Variants in SETBP1 observed in about 807,000 individuals in gnomAD.
SETBP1 encodes SET binding protein 1.
In SETBP1, 9 loss-of-function variants were observed where a neutral mutation model predicts 101.0. The observed-to-expected ratio is 0.09, with a 90% confidence interval of 0.05 to 0.16. SETBP1 has a LOEUF of 0.16. SETBP1 is among the 10% of genes least tolerant of loss of function. SETBP1 has a pLI of 1.00. For missense variants in SETBP1, 1,858 were observed against 2,033.8 expected (o/e 0.91, Z 1.66); for synonymous variants, 818 against 788.5 (o/e 1.04, Z -0.63).
intron 4 of SETBP1, among the ~76,000 whole-genome samples, chr18:45,005,701 C>G (rs549679571): frequency 1.4e-3 from 198 of 139,422 alleles, no homozygotes; most frequent in African/African-American, 5.2e-3. Flanking sequence ...GGCTGGAGTA[C>G]AGTGGCATGA....
chr18:44,988,312 CTAAG>C (rs2072284476), intron 4 of SETBP1: 1 of 152,018 alleles, frequency 6.6e-6, no homozygotes, highest in Non-Finnish European at 1.5e-5. Flanking sequence ...CTGAATAAGG[CTAAG>C]AACAAATAAG....
chr18:44,997,199 C>T (rs2145315522), intron 4 of SETBP1, among the ~76,000 whole-genome samples: 1 of 152,230 alleles, frequency 6.6e-6, no homozygotes, highest in South Asian at 2.1e-4. Flanking sequence ...GCTGAGCCAC[C>T]AGCCCTTCAA....
intron 3 of SETBP1, among the ~76,000 whole-genome samples, chr18:44,889,386 C>T (rs1309000551): frequency 6.6e-6 from 1 of 152,124 alleles, no homozygotes; most frequent in Non-Finnish European, 1.5e-5. Flanking sequence ...TTCTTTGAAC[C>T]AAAAACAACT....
intron 2 of SETBP1, among the ~76,000 whole-genome samples, chr18:44,821,623 CTT>C (rs1177072647): frequency 1.3e-5 from 2 of 152,174 alleles, no homozygotes; most frequent in African/African-American, 4.8e-5. Flanking sequence ...TTCTCAAAGA[CTT>C]TATATACCCC....
intron 4 of SETBP1, among the ~76,000 whole-genome samples, chr18:45,004,871 A>G (rs1007452650): frequency 1.3e-5 from 2 of 152,204 alleles, no homozygotes; most frequent in African/African-American, 4.8e-5. Flanking sequence ...TCCCAATGTC[A>G]TTTTTTAAAA....
rs1446363476 is a variant in SETBP1 at position 45,067,109 on chromosome 18, G to A, written c.*3411G>A. On this transcript the variant is annotated 3_prime_UTR_variant, in exon 6 of 6. Transcript: ENST00000649279. ...AGCAGCCACTGACAGCCCAGAGAAG[G>A]TGACTAAGGGCTGGCAGAAGATTAG... 6.6e-6 allele frequency: 1 copy of A among 152,220 alleles called. No individual in the cohort carries two copies. Among genetic ancestry groups the A allele is most frequent in the Non-Finnish European group, 1.5e-5 (1 of 68,044 alleles). The allele number at this position is 152,220 out of a possible 1,614,324, so 9.4% of individuals were successfully genotyped here.
chr18:44,683,171 A>G (rs1227062617), intron 1 of SETBP1, among the ~76,000 whole-genome samples: 3 of 152,138 alleles, frequency 2.0e-5, no homozygotes, highest in Non-Finnish European at 2.9e-5. Context: ...GATCTTTTGT[A>G]TGTTAGCATC....
At chr18:44,941,705 A>G (rs1222559396) in intron 3 of SETBP1, among the ~76,000 whole-genome samples, 1 of 148,368 alleles carries the variant, frequency 6.7e-6, no homozygotes, top group African/African-American at 2.5e-5. Flanking sequence ...CTTTCTCTTC[A>G]TGTTTACTCA....
At chr18:45,032,036 T>C (rs955824583) in intron 4 of SETBP1, among the ~76,000 whole-genome samples, 3 of 152,174 alleles carry the variant, frequency 2.0e-5, no homozygotes, top group Non-Finnish European at 4.4e-5. Flanking sequence ...AGGCCCTCCT[T>C]CTGCTTCTAG....
At chr18:44,959,586 G>A (rs1277005659) in intron 4 of SETBP1, among the ~76,000 whole-genome samples, 1 of 152,190 alleles carries the variant, frequency 6.6e-6, no homozygotes, top group Non-Finnish European at 1.5e-5. Context: ...TTTAGGGGAA[G>A]AAACCAGCAA....
intron 3 of SETBP1, among the ~76,000 whole-genome samples, chr18:44,873,850 C>T (rs1164837278): frequency 9.2e-5 from 14 of 152,090 alleles, no homozygotes; most frequent in Non-Finnish European, 1.6e-4. Context: ...ATATAATAAA[C>T]CCATGTACCT....
chr18:44,950,065 G>A lies in SETBP1; in HGVS notation c.725G>A (p.Gly242Asp). The change falls in exon 4 of 6, where the codon GGC (glycine) becomes GAC (aspartate). Residue 242 changes from glycine to aspartate, a missense_variant. By Grantham distance (94) the Gly-to-Asp change is moderately conservative. This residue lies in a region of SETBP1 where 581 missense variants were observed against 535.1 expected (regional missense o/e 1.09). Coordinates refer to ENST00000649279, the MANE Select transcript of SETBP1 (RefSeq NM_015559.3). ...TQNCFISPES[G>D]RETASTSKIP... is the part of the protein sequence containing the mutation. The stretch of plus-strand genomic sequence containing the variant: ...AATTGCTTCATCAGTCCAGAGTCTG[G>A]CAGAGAAACTGCAAGCACCAGCAAG... The A allele has an allele frequency of 1.9e-6, 3 of 1,614,194 alleles. No individual in the cohort carries two copies. The highest frequency in any genetic ancestry group is 2.5e-6 in the Non-Finnish European group (3 of 1,180,032).
intron 2 of SETBP1, among the ~76,000 whole-genome samples, chr18:44,758,406 G>A (rs1193050216): frequency 8.8e-5 from 13 of 148,550 alleles, no homozygotes; most frequent in Admixed American, 6.0e-4. Flanking sequence ...TTTTTGAGAC[G>A]GAGTCTCGCT....
At chr18:44,820,106 C>A (rs934834074) in intron 2 of SETBP1, among the ~76,000 whole-genome samples, 1 of 152,232 alleles carries the variant, frequency 6.6e-6, no homozygotes, top group Admixed American at 6.5e-5. Context: ...CCCTTTCTGG[C>A]CAGCTCAGTA....
chr18:44,974,655 CA>C (rs1210068187), intron 4 of SETBP1, among the ~76,000 whole-genome samples: 4 of 152,130 alleles, frequency 2.6e-5, no homozygotes, highest in Non-Finnish European at 5.9e-5. Context: ...AAAACCCAAA[CA>C]AACCGCAAAT....
intron 2 of SETBP1, among the ~76,000 whole-genome samples, chr18:44,719,334 G>A (rs895363694): frequency 2.0e-5 from 3 of 152,176 alleles, no homozygotes; most frequent in East Asian, 1.9e-4. Flanking sequence ...AACTGCATCC[G>A]AGAGAGAATG....
intron 3 of SETBP1, among the ~76,000 whole-genome samples, chr18:44,943,933 C>T (rs1247809690): frequency 6.6e-6 from 1 of 151,316 alleles, no homozygotes; most frequent in African/African-American, 2.4e-5. Flanking sequence ...TTCCTGGGTT[C>T]AAGTGATTCT....
chr18:45,014,998 G>T (rs899509416), intron 4 of SETBP1, among the ~76,000 whole-genome samples: 1 of 152,196 alleles, frequency 6.6e-6, no homozygotes, highest in East Asian at 1.9e-4. Context: ...AGCCAGTGGG[G>T]TGCCTGCTCC....
Position 44,951,268 on chromosome 18 carries a change from T to G in SETBP1, c.1928T>G (p.Met643Arg). 6.2e-7 allele frequency: 1 copy of G among 1,613,740 alleles called. No individual in the cohort carries two copies. The highest frequency in any genetic ancestry group is 1.1e-5 in the South Asian group (1 of 91,082). The change falls in exon 4 of 6, where the codon ATG (methionine) becomes AGG (arginine). Residue 643 changes from methionine (M) to arginine (R), a missense_variant. Physicochemically the swap from Met to Arg is moderately conservative, Grantham distance 91. This residue lies in a region of SETBP1 where 111 missense variants were observed against 119.3 expected (regional missense o/e 0.93). Transcript: ENST00000649279. The surrounding 1 kb of genome is among the most constrained non-coding windows in gnomAD (Gnocchi z 7.8). ...CTAGTGCCGGGAGAGGACAAACCCA[T>G]GAGCGAGATGAAATTTCACAAGAAA... Reference protein sequence around the residue: ...AQLVPGEDKPMSEMKFHKKVG... With the variant: ...AQLVPGEDKPRSEMKFHKKVG...
Sources: gnomAD v4.1 joint callset for allele counts (sites outside exome capture counted in the v4.1 genomes callset) on GRCh38, gnomAD v4.1.1 for gene constraint, gnomAD v4.1.1 regional missense constraint, Gnocchi (gnomAD v3.1) non-coding constraint, MANE v1.5 for transcripts, NCBI Gene and HGNC (gene_info 2026-07-23, HGNC 2026-07-21) for gene names.